The following ZMYM2 variants were observed in gnomAD, a reference collection of about 807,000 sequenced individuals.
The protein encoded by ZMYM2 is zinc finger MYM-type protein 2.
Under a neutral mutation model 162.8 loss-of-function variants are expected in ZMYM2, and 56 were observed. That is an observed-to-expected ratio of 0.34 (90% confidence interval 0.28 to 0.43). The LOEUF is 0.43. Among genes scored for constraint, ZMYM2 ranks in the 20% least tolerant of loss-of-function variants. The probability of loss-of-function intolerance (pLI) is 1.00; values close to 1 mark genes in which losing one functional copy is unlikely to be tolerated. For missense variants in ZMYM2, 1,275 were observed against 1,621.8 expected, an observed-to-expected ratio of 0.79 and a Z score of 3.67; for synonymous variants, 510 against 541.6, an observed-to-expected ratio of 0.94 and a Z score of 0.81.
chr13:20,065,078 T>A (rs984599891), intron 19 of ZMYM2, among the ~76,000 whole-genome samples: 1 of 152,188 alleles, frequency 6.6e-6, no homozygotes, highest in Non-Finnish European at 1.5e-5. Context: ...GTTTGATCAT[T>A]CAGGTAGACC....
At chr13:19,960,880 C>A (rs1235451808) in intron 2 of ZMYM2, among the ~76,000 whole-genome samples, 1 of 152,144 alleles carries the variant, frequency 6.6e-6, no homozygotes, top group Non-Finnish European at 1.5e-5. Flanking sequence ...CTGTCAGAGT[C>A]AGAGATGAGT....
At chr13:20,048,202 C>G (rs1954991367) in intron 12 of ZMYM2, among the ~76,000 whole-genome samples, 1 of 151,764 alleles carries the variant, frequency 6.6e-6, no homozygotes, top group Non-Finnish European at 1.5e-5. Flanking sequence ...TACAAATGCC[C>G]TCTAATAGTC....
At chr13:19,995,095 T>G (rs2139772269) in intron 3 of ZMYM2, among the ~76,000 whole-genome samples, 1 of 152,132 alleles carries the variant, frequency 6.6e-6, no homozygotes. Flanking sequence ...TCCTTCTGCC[T>G]TGGCCTCCTA....
At position 20,002,857 on chromosome 13, in the gene ZMYM2, G is replaced by T; in HGVS notation, c.855G>T (p.Trp285Cys). 1 of 1,611,304 alleles carries T rather than the reference G, an allele frequency of 6.2e-7. No individual in the cohort carries two copies. The highest frequency in any genetic ancestry group is 8.5e-7 in the Non-Finnish European group (1 of 1,178,146). Residue 285 changes from tryptophan (W) to cysteine (C), a missense_variant, in exon 4 of 25, where the codon TGG (tryptophan) becomes TGT (cysteine). Transcript: ENST00000610343. ...GTGCATTTTGTTTTTAAGATTCTTG[G>T]ATCTCCCAGTCAGCTTCATTTCCCC... Reference protein sequence around the residue: ...ESATHHNPDSWISQSASFPRN... With the variant: ...ESATHHNPDSCISQSASFPRN...
At chr13:20,020,929 A>C (rs1034892813) in intron 7 of ZMYM2, among the ~76,000 whole-genome samples, 1 of 151,146 alleles carries the variant, frequency 6.6e-6, no homozygotes, top group Non-Finnish European at 1.5e-5. Flanking sequence ...TAATATTTTA[A>C]TATATTAGCA....
intron 21 of ZMYM2, among the ~76,000 whole-genome samples, chr13:20,077,847 C>CT (rs11427276): frequency 0.85 from 122,232 of 143,862 alleles, 53,132 homozygotes; most frequent in East Asian, 0.98. Context: ...AAGTTTTTTT[C>CT]TTTTTTTTTT....
chr13:19,928,723 G>A, the ZMYM2 span, among the ~76,000 whole-genome samples: 5 of 152,104 alleles, frequency 3.3e-5, no homozygotes, highest in South Asian at 8.3e-4. Context: ...CTTGAACCTG[G>A]GAGGCAGAGG....
intron 19 of ZMYM2, among the ~76,000 whole-genome samples, chr13:20,065,910 C>T (rs556721575): frequency 2.6e-5 from 4 of 152,214 alleles, no homozygotes; most frequent in Admixed American, 6.5e-5. Flanking sequence ...GTGAAAAGTA[C>T]TTAAGTGTCA....
At chr13:19,974,885 A>G (rs1270264953) in intron 2 of ZMYM2, among the ~76,000 whole-genome samples, 3 of 152,158 alleles carry the variant, frequency 2.0e-5, no homozygotes, top group Admixed American at 2.0e-4. Flanking sequence ...AATTAACAGA[A>G]TAGGAGTCTT....
At chr13:19,904,666 A>G in the ZMYM2 span, among the ~76,000 whole-genome samples, 2 of 152,230 alleles carry the variant, frequency 1.3e-5, no homozygotes, top group Non-Finnish European at 2.9e-5. Context: ...CTAATCATAT[A>G]TGAGCATTGT....
chr13:20,088,170 C>T lies in ZMYM2; in HGVS notation c.*2156C>T, dbSNP rs1015170661. The T allele has an allele frequency of 9.7e-6, 2 of 205,714 alleles. No individual in the cohort carries two copies. The highest frequency in any genetic ancestry group is 4.6e-5 in the African/African-American group (2 of 43,874). 12.7% of individuals were successfully genotyped at this position (205,714 alleles called of 1,614,324 possible). On this transcript the variant is annotated 3_prime_UTR_variant, in exon 25 of 25. Transcript: ENST00000610343. ...ATGATTGAGGATTTAGAGCTCTTGT[C>T]TTTGTCTTGATTGCAATCCAACGAT...
intron 12 of ZMYM2, among the ~76,000 whole-genome samples, chr13:20,044,173 A>T (rs1337081766): frequency 6.6e-6 from 1 of 152,158 alleles, no homozygotes; most frequent in Non-Finnish European, 1.5e-5. Flanking sequence ...GCTCCACTAC[A>T]GAGGCCCCTG....
At chr13:20,001,945 G>A (rs1269742440) in intron 3 of ZMYM2, among the ~76,000 whole-genome samples, 2 of 152,106 alleles carry the variant, frequency 1.3e-5, no homozygotes, top group African/African-American at 4.8e-5. Context: ...AACATTTTTT[G>A]TGAAACCAAA....
chr13:19,871,811 C>T, the ZMYM2 span, among the ~76,000 whole-genome samples: 1 of 152,036 alleles, frequency 6.6e-6, no homozygotes, highest in African/African-American at 2.4e-5. Flanking sequence ...AGGGATTTCT[C>T]AACAAATATT....
intron 24 of ZMYM2, among the ~76,000 whole-genome samples, chr13:20,085,579 T>G (rs1593298436): frequency 6.6e-6 from 1 of 152,206 alleles, no homozygotes; most frequent in Non-Finnish European, 1.5e-5. Context: ...ATTAAAATAA[T>G]GAGTGGTGTG....
chr13:20,020,428 G>A (rs765936941), intron 7 of ZMYM2, among the ~76,000 whole-genome samples: 3 of 151,868 alleles, frequency 2.0e-5, no homozygotes, highest in Non-Finnish European at 2.9e-5. Flanking sequence ...TAGAGATAGG[G>A]TTTCTCCATG....
chr13:19,871,458 A>G, the ZMYM2 span, among the ~76,000 whole-genome samples: 14 of 151,958 alleles, frequency 9.2e-5, no homozygotes, highest in Non-Finnish European at 2.9e-5. Flanking sequence ...GTCATGCTCT[A>G]TCGCCCAGGC....
At chr13:20,048,201 C>T (rs1285401446) in intron 12 of ZMYM2, among the ~76,000 whole-genome samples, 2 of 151,618 alleles carry the variant, frequency 1.3e-5, no homozygotes, top group Non-Finnish European at 2.9e-5. Context: ...ATACAAATGC[C>T]CTCTAATAGT....
the ZMYM2 span, among the ~76,000 whole-genome samples, chr13:19,877,742 T>TA: frequency 2.6e-4 from 39 of 152,366 alleles, no homozygotes; most frequent in African/African-American, 9.1e-4. Context: ...TTTTTAAGAC[T>TA]AAACAATATT....
Sources: allele counts gnomAD v4.1 joint callset (sites outside exome capture counted in the v4.1 genomes callset), GRCh38; gene constraint gnomAD v4.1.1; transcripts MANE v1.5; gene names NCBI Gene and HGNC (gene_info 2026-07-23, HGNC 2026-07-21).